The following PIK3CA variants were observed in gnomAD, a reference collection of about 807,000 sequenced individuals.
PIK3CA encodes phosphatidylinositol-4,5-bisphosphate 3-kinase catalytic subunit alpha.
PIK3CA carries 27 observed loss-of-function variants against 138.2 expected under a neutral mutation model. The ratio of observed to expected loss-of-function variants is 0.20; its 90% CI spans 0.14 to 0.27. The LOEUF (loss-of-function observed/expected upper bound fraction) is 0.27. Among genes scored for constraint, PIK3CA ranks in the 10% least tolerant of loss-of-function variants. PIK3CA has a pLI of 1.00. For missense variants in PIK3CA, 544 were observed against 1,277.4 expected, an observed-to-expected ratio of 0.43 and a Z score of 8.75; for synonymous variants, 358 against 413.2, an observed-to-expected ratio of 0.87 and a Z score of 1.62.
intron 9 of PIK3CA, among the ~76,000 whole-genome samples, chr3:179,213,408 A>T (rs552128221): frequency 4.6e-5 from 7 of 152,376 alleles, no homozygotes; most frequent in Non-Finnish European, 8.8e-5. Context: ...ATATTGCTCA[A>T]AAATGCTGAT....
rs3865693 is a variant in PIK3CA at position 179,238,677 on chromosome 3, T to G, written c.*4313T>G. The stretch of plus-strand genomic sequence containing the variant: ...CAGCCATTTGAAAAAGGCAATAGTT[T>G]GAGGAGGTTCCCGAATTCGGCATTT... On this transcript the variant is annotated 3_prime_UTR_variant, in exon 21 of 21. Transcript: ENST00000263967. 4.4e-6 allele frequency: 1 copy of G among 226,534 alleles called. No homozygotes were observed. Among genetic ancestry groups the G allele is most frequent in the East Asian group, 6.3e-5 (1 of 15,848 alleles). 14.0% of individuals were successfully genotyped at this position (226,534 alleles called of 1,614,324 possible).
chr3:179,224,723 C>T lies in PIK3CA; in HGVS notation c.2318C>T (p.Ser773Phe), dbSNP rs2108417854. The change falls in exon 16 of 21, where the codon TCC becomes TTC. Residue 773 changes from serine (S) to phenylalanine (F), a missense_variant. Transcript: ENST00000263967. ...NLRLEECRIM[S>F]SAKRPLWLNW... ...AGGCTTGAAGAGTGTCGAATTATGT[C>T]CTCTGCAAAAAGGCCACTGTGGTTG... is the stretch of plus-strand genomic sequence containing the variant. 1 of 1,607,370 alleles carries T rather than the reference C, an allele frequency of 6.2e-7. No homozygotes were observed. The highest frequency in any genetic ancestry group is 8.5e-7 in the Non-Finnish European group (1 of 1,174,716).
At chr3:179,161,530 C>CAAAATACAAAAA (rs2108354933) in intron 1 of PIK3CA, among the ~76,000 whole-genome samples, 1 of 151,956 alleles carries the variant, frequency 6.6e-6, no homozygotes, top group Non-Finnish European at 1.5e-5. Flanking sequence ...AACCCCGTCT[C>CAAAATACAAAAA]TACCAAAAAT....
chr3:179,235,601 ACC>A lies in PIK3CA; in HGVS notation c.*1238_*1239del, dbSNP rs1725318761. The A allele has an allele frequency of 4.9e-6, 1 of 204,456 alleles. No individual in the cohort carries two copies. Among genetic ancestry groups the A allele is most frequent in the Non-Finnish European group, 1.0e-5 (1 of 99,796 alleles). The allele number at this position is 204,456 out of a possible 1,614,324, so 12.7% of individuals were successfully genotyped here. ...ATGTCTCAATCATATGAAATTAGTT[ACC>A]AGAATTAACACAATTTAGACTATCT... On this transcript the variant is annotated 3_prime_UTR_variant, in exon 21 of 21. Coordinates refer to ENST00000263967, the MANE Select transcript of PIK3CA (RefSeq NM_006218.4).
Position 179,219,391 on chromosome 3 carries a change from G to C in PIK3CA, c.1746+114G>C. On this transcript the variant is annotated intron_variant, in intron 11 of 20. Transcript: ENST00000263967. The surrounding 1 kb of genome is among the most constrained non-coding windows in gnomAD (Gnocchi z 4.2). ...AATGAAATAGACTAATAGTAATATA[G>C]TGTAGAAAAAAACACCCTTAACATT... 1.3e-6 allele frequency: 1 copy of C among 749,342 alleles called. No homozygotes were observed. The highest frequency in any genetic ancestry group is 2.2e-6 in the Non-Finnish European group (1 of 454,752). The allele number at this position is 749,342 out of a possible 1,614,324, so 46.4% of individuals were successfully genotyped here. A position where few individuals can be genotyped will look rare whatever the true frequency, so the allele number is the denominator to read the frequency against.
intron 1 of PIK3CA, among the ~76,000 whole-genome samples, chr3:179,168,274 G>C (rs1723467648): frequency 6.6e-6 from 1 of 152,144 alleles, no homozygotes; most frequent in Non-Finnish European, 1.5e-5. Flanking sequence ...CTTTACACAT[G>C]ATAGTTTGCT....
rs758698734 is a variant in PIK3CA, at chr3:179,201,250, AAGAG to A, written c.563-36_563-33del. 10 of 1,546,370 alleles carry A rather than the reference AAGAG, an allele frequency of 6.5e-6. 1 individual carries two copies. The South Asian group carries it at 1.2e-4, about 19-fold the overall frequency. On this transcript the variant is annotated intron_variant, in intron 3 of 20. Transcript: ENST00000263967. ...TTGAAATTTCTCCCTTGAAAAATGA[AAGAG>A]AGATGGTGATTGCATCTAATGTTTT...
intron 9 of PIK3CA, among the ~76,000 whole-genome samples, chr3:179,211,772 T>C (rs1226811865): frequency 1.3e-5 from 2 of 152,134 alleles, no homozygotes; most frequent in African/African-American, 2.4e-5. Flanking sequence ...TCTCTCACAG[T>C]TCTTGGATAT....
At chr3:179,215,990 G>C (rs1270094538) in intron 9 of PIK3CA, among the ~76,000 whole-genome samples, 1 of 152,160 alleles carries the variant, frequency 6.6e-6, no homozygotes, top group Non-Finnish European at 1.5e-5. Flanking sequence ...CTGCAGGCCA[G>C]TAGTGCCATC....
At position 179,238,992 on chromosome 3, in the gene PIK3CA, A is replaced by G. The variant is rs1270942911; in HGVS notation, c.*4628A>G. 1.4e-5 allele frequency: 3 copies of G among 216,204 alleles called. No individual in the cohort carries two copies. The highest frequency in any genetic ancestry group is 2.8e-5 in the Non-Finnish European group (3 of 107,648). The allele number at this position is 216,204 out of a possible 1,614,324, so 13.4% of individuals were successfully genotyped here. ...CCATTTCTTCTGCTTGATTTTAGGT[A>G]TGTTAATATTCCAGCCTTGCTAGTT... On this transcript the variant is annotated 3_prime_UTR_variant, in exon 21 of 21. Transcript: ENST00000263967.
intron 6 of PIK3CA, among the ~76,000 whole-genome samples, chr3:179,206,017 A>T (rs558157012): frequency 4.0e-5 from 6 of 151,848 alleles, no homozygotes; most frequent in Non-Finnish European, 8.8e-5. Flanking sequence ...GCCTACCTAA[A>T]CCACTGTAGG....
At chr3:179,166,036 C>T (rs779825466) in intron 1 of PIK3CA, among the ~76,000 whole-genome samples, 1 of 151,980 alleles carries the variant, frequency 6.6e-6, no homozygotes, top group Non-Finnish European at 1.5e-5. Flanking sequence ...CCATGAACCT[C>T]TTGAAGTCAG....
At position 179,238,182 on chromosome 3, in the gene PIK3CA, G is replaced by A. The variant is rs1418645417; in HGVS notation, c.*3818G>A. 9.0e-6 allele frequency: 2 copies of A among 221,762 alleles called. No individual in the cohort carries two copies. The highest frequency in any genetic ancestry group is 6.5e-5 in the East Asian group (1 of 15,374). The allele number at this position is 221,762 out of a possible 1,614,324, so 13.7% of individuals were successfully genotyped here. On this transcript the variant is annotated 3_prime_UTR_variant, in exon 21 of 21. Transcript: ENST00000263967. ...AAGTTGTGAGAGTATATTGTATACC[G>A]TAAGAGAATCAACTCTTCATCATGG...
chr3:179,178,403 C>T (rs1291515141), intron 1 of PIK3CA, among the ~76,000 whole-genome samples: 1 of 151,902 alleles, frequency 6.6e-6, no homozygotes, highest in Non-Finnish European at 1.5e-5. Flanking sequence ...TTTCCACCAT[C>T]ATTATTAGTC....
intron 1 of PIK3CA, among the ~76,000 whole-genome samples, chr3:179,187,272 TCA>T: frequency 1.3e-5 from 2 of 152,120 alleles, no homozygotes; most frequent in South Asian, 4.2e-4. Context: ...GTGCGGTGGC[TCA>T]CACCTGTAAT....
At chr3:179,226,203 T>TGACTC (rs57061534) in intron 17 of PIK3CA, among the ~76,000 whole-genome samples, 163 bp downstream of exon 17, 4 of 151,136 alleles carry the variant, frequency 2.6e-5, no homozygotes, top group Admixed American at 1.3e-4. Context: ...TCCTCTTACT[T>TGACTC]AGAATAGCTA....
rs1224451973 is a variant in PIK3CA at position 179,238,367 on chromosome 3, G to T, written c.*4003G>T. On this transcript the variant is annotated 3_prime_UTR_variant, in exon 21 of 21. Coordinates refer to ENST00000263967, the MANE Select transcript of PIK3CA (RefSeq NM_006218.4). ...ATTGTAAATATATCTATGTGCCATG[G>T]CCTGGGAAGCCTGCTTTCTTTTTTC... The T allele has an allele frequency of 4.6e-6, 1 of 216,078 alleles. No individual in the cohort carries two copies. Among genetic ancestry groups the T allele is most frequent in the Non-Finnish European group, 9.3e-6 (1 of 107,354 alleles). 13.4% of individuals were successfully genotyped at this position (216,078 alleles called of 1,614,324 possible). A position where few individuals can be genotyped will look rare whatever the true frequency, so the allele number is the denominator to read the frequency against.
At chr3:179,155,551 C>G (rs1255199189) in intron 1 of PIK3CA, among the ~76,000 whole-genome samples, 1 of 151,866 alleles carries the variant, frequency 6.6e-6, no homozygotes, top group Non-Finnish European at 1.5e-5. Flanking sequence ...GTCATTATTC[C>G]CTAAACAAAA....
At chr3:179,149,610 T>C (rs1722957808) in intron 1 of PIK3CA, 1 of 152,250 alleles carries the variant, frequency 6.6e-6, no homozygotes, top group Admixed American at 6.5e-5. Context: ...TGGTGAAGCT[T>C]CCTCATTCCA....
Sources: gnomAD v4.1 joint callset for allele counts (sites outside exome capture counted in the v4.1 genomes callset) on GRCh38, gnomAD v4.1.1 for gene constraint, Gnocchi (gnomAD v3.1) non-coding constraint, MANE v1.5 for transcripts, NCBI Gene and HGNC (gene_info 2026-07-23, HGNC 2026-07-21) for gene names.